FIBCD1: variants seen among roughly 807,000 people sequenced by gnomAD.
FIBCD1 encodes the protein fibrinogen C domain containing 1.
FIBCD1 carries 47 observed loss-of-function variants against 45.1 expected under a neutral mutation model. The ratio of observed to expected loss-of-function variants is 1.04; its 90% CI spans 0.82 to 1.33. The LOEUF is 1.33. Among genes scored for constraint, FIBCD1 ranks in the 40% most tolerant of loss-of-function variants. FIBCD1 has a pLI of 0.00. For synonymous variants in FIBCD1, 313 were observed against 308.1 expected (o/e 1.02, Z -0.17); for missense variants, 653 against 682.2 (o/e 0.96, Z 0.48).
chr9:130,921,260 C>T (rs969453130), intron 4 of FIBCD1, among the ~76,000 whole-genome samples: 2 of 152,234 alleles, frequency 1.3e-5, no homozygotes, highest in Non-Finnish European at 2.9e-5. Flanking sequence ...CCTAGCAGTT[C>T]GGACAGGGAG....
Position 130,929,621 on chromosome 9 carries a change from GC to G in FIBCD1, c.497del (p.Gly166AlafsTer32). ...TECMGLRKGH[G>X]TLGQGLSALQ... ...GGGCGCTGAGGCCCTGGCCCAGCGT[GC>G]CATGCCCCTTCCGCAGCCCCATGCA... On this transcript the variant is annotated frameshift_variant, in exon 2 of 7. Coordinates refer to ENST00000372338, the MANE Select transcript of FIBCD1 (RefSeq NM_032843.5). LOFTEE classifies it high-confidence loss of function. 6.5e-7 allele frequency: 1 copy of G among 1,544,534 alleles called. No individual in the cohort carries two copies. Among genetic ancestry groups the G allele is most frequent in the Non-Finnish European group, 8.7e-7 (1 of 1,148,360 alleles).
At chr9:130,910,944 G>T (rs900458790) in intron 5 of FIBCD1, among the ~76,000 whole-genome samples, 1 of 152,046 alleles carries the variant, frequency 6.6e-6, no homozygotes, top group African/African-American at 2.4e-5. Flanking sequence ...GAGAACCTTT[G>T]TGTCTAGCTC....
At chr9:130,931,630 G>A (rs1431552880) in intron 1 of FIBCD1, among the ~76,000 whole-genome samples, 3 of 152,248 alleles carry the variant, frequency 2.0e-5, no homozygotes, top group African/African-American at 4.8e-5. Context: ...GTGCCAGAGC[G>A]TGGCCGCACA....
At chr9:130,911,910 G>A (rs770597300) in intron 4 of FIBCD1, 22 bp from the exon 5 acceptor site, 4 of 1,554,790 alleles carry the variant, frequency 2.6e-6, no homozygotes, top group Non-Finnish European at 2.6e-6. Context: ...AGATGGGGAT[G>A]GGGCGTTGGC....
chr9:130,911,829 T>C lies in FIBCD1; in HGVS notation c.909A>G (p.Arg303=), dbSNP rs1832056550. Residue 303 remains arginine (R), a synonymous_variant, in exon 5 of 7, where the codon CGA becomes CGG. Coordinates refer to ENST00000372338, the MANE Select transcript of FIBCD1 (RefSeq NM_032843.5). The stretch of plus-strand genomic sequence containing the variant: ...CCCCGGTGAGCCTGCCAAAGCCGTC[T>C]CGGTACGCATCCCAGCCCCGGAAGA... The part of the protein sequence containing the change: ...VNFFRGWDAY[R]DGFGRLTGEH... The C allele has an allele frequency of 6.2e-6, 10 of 1,604,568 alleles. No homozygotes were observed. Among genetic ancestry groups the C allele is most frequent in the Non-Finnish European group, 8.5e-6 (10 of 1,176,414 alleles).
At chr9:130,909,567 T>G (rs1831999331) in intron 5 of FIBCD1, among the ~76,000 whole-genome samples, 1 of 152,158 alleles carries the variant, frequency 6.6e-6, no homozygotes, top group African/African-American at 2.4e-5. Context: ...ACAGGGAATT[T>G]TGTTGTATGT....
intron 4 of FIBCD1, among the ~76,000 whole-genome samples, chr9:130,912,332 G>A (rs1832070488): frequency 6.7e-6 from 1 of 150,232 alleles, no homozygotes; most frequent in Admixed American, 6.7e-5. Flanking sequence ...CTTGAGCCCG[G>A]GAGGTTAAAG....
chr9:130,933,440 G>A (rs1489040037), intron 1 of FIBCD1, among the ~76,000 whole-genome samples: 1 of 152,304 alleles, frequency 6.6e-6, no homozygotes. Context: ...GTGAGCAGGA[G>A]AGAGACCGGG....
intron 1 of FIBCD1, among the ~76,000 whole-genome samples, chr9:130,932,659 C>G (rs749621137): frequency 6.6e-6 from 1 of 152,250 alleles, no homozygotes; most frequent in Non-Finnish European, 1.5e-5. Flanking sequence ...CCACTCCCCC[C>G]AGCTTGGAGG....
intron 4 of FIBCD1, among the ~76,000 whole-genome samples, chr9:130,914,033 G>A (rs10901304): frequency 0.25 from 37,977 of 152,096 alleles, 5,302 homozygotes; most frequent in East Asian, 0.59. Flanking sequence ...ACCCACGTCT[G>A]TAAAGCAGAG....
chr9:130,938,485 G>T, intron 1 of FIBCD1, 51 bp downstream of exon 1: 1 of 1,425,810 alleles, frequency 7.0e-7, no homozygotes. Flanking sequence ...GGCCCGAGCG[G>T]CCACCGCCTG....
rs762435042 is a variant in FIBCD1, at chr9:130,930,053, G to T, written c.73-7C>A. Reference sequence around the variant, plus strand: ...CGTAGCCGCAGCTCGGCCGCTGCAGGCCCGCCCGGGACGCACAGACACAGA... The same window carrying T: ...CGTAGCCGCAGCTCGGCCGCTGCAGTCCCGCCCGGGACGCACAGACACAGA... On this transcript the variant is annotated splice_region_variant and splice_polypyrimidine_tract_variant and intron_variant, in intron 1 of 6. Transcript: ENST00000372338. 2.9e-5 allele frequency: 44 copies of T among 1,500,508 alleles called. No individual in the cohort carries two copies. Among genetic ancestry groups the T allele is most frequent in the Middle Eastern group, 3.9e-4 (2 of 5,128 alleles). The allele number at this position is 1,500,508 out of a possible 1,614,324, so 92.9% of individuals were successfully genotyped here.
chr9:130,925,817 G>A (rs1316919857), intron 2 of FIBCD1, among the ~76,000 whole-genome samples: 4 of 152,220 alleles, frequency 2.6e-5, no homozygotes, highest in Admixed American at 2.6e-4. Context: ...GCATGGAGCC[G>A]GCCGGGTCTT....
At chr9:130,930,198 G>T in intron 1 of FIBCD1, 152 bp from the exon 2 acceptor site, 1 of 993,062 alleles carries the variant, frequency 1.0e-6, no homozygotes, top group South Asian at 1.8e-5. Context: ...GGCACTGAGA[G>T]ACAGTCCAAG....
At chr9:130,909,131 C>A (rs1231045592) in intron 5 of FIBCD1, among the ~76,000 whole-genome samples, 1 of 152,096 alleles carries the variant, frequency 6.6e-6, no homozygotes, top group Non-Finnish European at 1.5e-5. Context: ...CGCTCGCTCG[C>A]AGGGGAGTTC....
At position 130,903,274 on chromosome 9, in the gene FIBCD1, G is replaced by GC. The variant is rs949006302; in HGVS notation, c.*789dup. On this transcript the variant is annotated 3_prime_UTR_variant, in exon 7 of 7. Coordinates refer to ENST00000372338, the MANE Select transcript of FIBCD1 (RefSeq NM_032843.5). ...CAGAGGCAGGAGAAATGGGATGGCA[G>GC]CCCCAGCTGCCCCAGGTAGGAGGAC... The GC allele has an allele frequency of 3.1e-4, 47 of 153,524 alleles. No individual in the cohort carries two copies. The highest frequency in any genetic ancestry group is 1.1e-3 in the African/African-American group (45 of 41,484). 9.5% of individuals were successfully genotyped at this position (153,524 alleles called of 1,614,324 possible). A position where few individuals can be genotyped will look rare whatever the true frequency, so the allele number is the denominator to read the frequency against.
rs372048146 is a variant in FIBCD1 at position 130,904,360 on chromosome 9, C to T, written c.1127-37G>A. ...TGCACACAGGTGTGGGCACGGGGGG[C>T]ACGGGTACACCCACTGGTGTTGCAT... On this transcript the variant is annotated intron_variant, in intron 6 of 6. Coordinates refer to ENST00000372338, the MANE Select transcript of FIBCD1 (RefSeq NM_032843.5). 5.1e-6 allele frequency: 8 copies of T among 1,564,950 alleles called. No homozygotes were observed. In the African/African-American group the frequency reaches 9.4e-5, roughly 18 times the overall value.
intron 5 of FIBCD1, 97 bp downstream of exon 5, chr9:130,911,695 C>G: frequency 8.7e-7 from 1 of 1,145,886 alleles, no homozygotes; most frequent in Non-Finnish European, 1.3e-6. Context: ...CAGGGAAACC[C>G]AGCCCAAACC....
rs930965074 is a variant in FIBCD1 at position 130,903,942 on chromosome 9, C to T, written c.*122G>A. On this transcript the variant is annotated 3_prime_UTR_variant, in exon 7 of 7. Transcript: ENST00000372338. The stretch of plus-strand genomic sequence containing the variant: ...AGCTTCGTGTCAGGGATGGCCCGGC[C>T]CCTCCCTACTGGAGAGTGGGTCCGC... 6 of 1,340,972 alleles carry T rather than the reference C, an allele frequency of 4.5e-6. No individual in the cohort carries two copies. Among genetic ancestry groups the T allele is most frequent in the Non-Finnish European group, 4.2e-6 (4 of 956,756 alleles). The allele number at this position is 1,340,972 out of a possible 1,614,324, so 83.1% of individuals were successfully genotyped here. A position where few individuals can be genotyped will look rare whatever the true frequency, so the allele number is the denominator to read the frequency against.
Sources: allele counts gnomAD v4.1 joint callset (sites outside exome capture counted in the v4.1 genomes callset), GRCh38; gene constraint gnomAD v4.1.1; transcripts MANE v1.5; gene names NCBI Gene and HGNC (gene_info 2026-07-23, HGNC 2026-07-21).